COL5A2: variants seen among roughly 807,000 people sequenced by gnomAD.
The protein encoded by COL5A2 is collagen alpha-2(V) chain.
Under a neutral mutation model 208.2 loss-of-function variants are expected in COL5A2, and 23 were observed. That is an observed-to-expected ratio of 0.11 (90% CI 0.08 to 0.16). COL5A2 has a LOEUF of 0.16. COL5A2 is among the 10% of genes least tolerant of loss of function. The probability of loss-of-function intolerance (pLI) is 1.00; values close to 1 mark genes in which losing one functional copy is unlikely to be tolerated. For synonymous variants in COL5A2, 625 were observed against 628.5 expected (o/e 0.99, Z 0.08); for missense variants, 1,590 against 1,956.4 (o/e 0.81, Z 3.53).
intron 31 of COL5A2, among the ~76,000 whole-genome samples, chr2:189,060,093 C>A (rs988584537): frequency 2.0e-5 from 3 of 152,078 alleles, no homozygotes; most frequent in Admixed American, 2.0e-4. Flanking sequence ...TCATTCATCT[C>A]TCAGATCTCA....
Position 189,052,667 on chromosome 2 carries a change from A to G in COL5A2, c.2715+82T>C, listed in dbSNP as rs1685815738. Reference sequence around the variant, plus strand: ...TAATTTGTTATTTCAGTCTCAGATGAAAATTATCTTTTACATGACCAGGAA... The same window carrying G: ...TAATTTGTTATTTCAGTCTCAGATGGAAATTATCTTTTACATGACCAGGAA... On this transcript the variant is annotated intron_variant, in intron 40 of 53. Coordinates refer to ENST00000374866, the MANE Select transcript of COL5A2 (RefSeq NM_000393.5). 3.7e-6 allele frequency: 5 copies of G among 1,341,938 alleles called. No homozygotes were observed. In the South Asian group the frequency reaches 5.9e-5, roughly 16 times the overall value. 83.1% of individuals were successfully genotyped at this position (1,341,938 alleles called of 1,614,324 possible).
At chr2:189,411,049 G>GT in the COL5A2 span, among the ~76,000 whole-genome samples, 1 of 151,946 alleles carries the variant, frequency 6.6e-6, no homozygotes, top group Admixed American at 6.6e-5. Flanking sequence ...CCGTATCAGT[G>GT]TTTTTTTATG....
intron 35 of COL5A2, among the ~76,000 whole-genome samples, chr2:189,055,175 G>A (rs1357845895): frequency 6.6e-6 from 1 of 152,102 alleles, no homozygotes; most frequent in Admixed American, 6.5e-5. Flanking sequence ...GAGCCATCGC[G>A]CCCAGCCAGT....
intron 1 of COL5A2, among the ~76,000 whole-genome samples, chr2:189,151,839 T>A (rs959962146): frequency 2.0e-5 from 3 of 152,186 alleles, no homozygotes; most frequent in Admixed American, 6.6e-5. Flanking sequence ...AGAAATTATA[T>A]ACAAGCTATA....
intron 1 of COL5A2, among the ~76,000 whole-genome samples, chr2:189,146,172 T>C (rs947016677): frequency 6.6e-5 from 10 of 152,062 alleles, no homozygotes; most frequent in Admixed American, 2.0e-4. Flanking sequence ...TTAGTAAGAA[T>C]TGTACTGCAA....
the COL5A2 span, among the ~76,000 whole-genome samples, chr2:189,351,687 TAAAC>T: frequency 3.0e-4 from 45 of 151,714 alleles, no homozygotes; most frequent in African/African-American, 1.1e-3. Flanking sequence ...AAAATAAAAA[TAAAC>T]AAAAAGTGAG....
the COL5A2 span, among the ~76,000 whole-genome samples, chr2:189,357,142 A>C: frequency 6.6e-6 from 1 of 152,176 alleles, no homozygotes; most frequent in Non-Finnish European, 1.5e-5. Context: ...GATGCCAGCC[A>C]GAGCTCTCCT....
At chr2:189,363,156 T>C in the COL5A2 span, among the ~76,000 whole-genome samples, 2 of 152,136 alleles carry the variant, frequency 1.3e-5, no homozygotes, top group African/African-American at 4.8e-5. Flanking sequence ...ATTAACTTTT[T>C]AAAAAAATTT....
chr2:189,054,148 T>C lies in COL5A2; in HGVS notation c.2445+11A>G. 1.2e-6 allele frequency: 2 copies of C among 1,613,120 alleles called. No homozygotes were observed. Among genetic ancestry groups the C allele is most frequent in the Non-Finnish European group, 1.7e-6 (2 of 1,179,062 alleles). On this transcript the variant is annotated intron_variant, in intron 36 of 53. Coordinates refer to ENST00000374866, the MANE Select transcript of COL5A2 (RefSeq NM_000393.5). ...AATTTTGAGTGTACAAATTAACAAC[T>C]TGTGACTTACCTTTTCTCCAGTAGG... is the stretch of plus-strand genomic sequence containing the variant.
chr2:189,085,679 C>A, intron 10 of COL5A2, 40 bp downstream of exon 10: 2 of 1,565,776 alleles, frequency 1.3e-6, no homozygotes, highest in South Asian at 2.2e-5. Flanking sequence ...TAATGGTGGA[C>A]CCAAATGTAA....
At position 189,041,650 on chromosome 2, in the gene COL5A2, G is replaced by A; in HGVS notation, c.3569C>T (p.Pro1190Leu). The change falls in exon 50 of 54, where the codon CCT becomes CTT. Residue 1190 changes from proline (P) to leucine (L), a missense_variant. Pro to Leu is a moderately conservative substitution (Grantham distance 98, BLOSUM62 -3). Coordinates refer to ENST00000374866, the MANE Select transcript of COL5A2 (RefSeq NM_000393.5). ...PVGPSGKEGN[P>L]GPLGPIGPPG... ...AGGTCCAATTGGCCCAAGTGGCCCA[G>A]GGTTTCCTTCTTTACCTGAAGGACC... The A allele has an allele frequency of 1.2e-6, 2 of 1,614,104 alleles. No homozygotes were observed. The highest frequency in any genetic ancestry group is 1.7e-6 in the Non-Finnish European group (2 of 1,179,964).
the COL5A2 span, among the ~76,000 whole-genome samples, chr2:189,329,833 C>G: frequency 6.6e-6 from 1 of 151,668 alleles, no homozygotes; most frequent in Non-Finnish European, 1.5e-5. Context: ...GTGATGTCCA[C>G]TTAGGTTGTA....
chr2:189,287,502 A>G, the COL5A2 span, among the ~76,000 whole-genome samples: 6 of 152,102 alleles, frequency 3.9e-5, no homozygotes, highest in South Asian at 8.3e-4. Context: ...ATATTTGATG[A>G]GCTCCCACTA....
At chr2:189,308,918 CTG>C in the COL5A2 span, among the ~76,000 whole-genome samples, 2 of 152,182 alleles carry the variant, frequency 1.3e-5, no homozygotes, top group Admixed American at 6.5e-5. Flanking sequence ...TGTCCTAGGA[CTG>C]TGTCACGGGC....
the COL5A2 span, among the ~76,000 whole-genome samples, chr2:189,342,508 T>TAC: frequency 6.7e-6 from 1 of 148,650 alleles, no homozygotes; most frequent in Admixed American, 6.8e-5. Flanking sequence ...TATGTATATA[T>TAC]ACATATATAT....
At chr2:189,059,882 G>A (rs1685990246) in intron 31 of COL5A2, among the ~76,000 whole-genome samples, 9 of 151,858 alleles carry the variant, frequency 5.9e-5, no homozygotes, top group Admixed American at 5.9e-4. Context: ...ACTGTGCCCA[G>A]CCTAAAAACT....
At chr2:189,039,896 GCAAACT>G (rs1685522561) in intron 50 of COL5A2, among the ~76,000 whole-genome samples, 3 of 152,044 alleles carry the variant, frequency 2.0e-5, no homozygotes, top group Non-Finnish European at 4.4e-5. Context: ...ATGTTCATTT[GCAAACT>G]ATTTTCGTCA....
chr2:189,289,299 C>A, the COL5A2 span, among the ~76,000 whole-genome samples: 2 of 151,914 alleles, frequency 1.3e-5, no homozygotes, highest in East Asian at 3.9e-4. Context: ...AAAGATTGTG[C>A]CACTGCACTC....
chr2:189,045,903 T>C lies in COL5A2; in HGVS notation c.3206A>G (p.Asp1069Gly). The C allele has an allele frequency of 6.2e-7, 1 of 1,613,536 alleles. No homozygotes were observed. Among genetic ancestry groups the C allele is most frequent in the East Asian group, 2.2e-5 (1 of 44,876 alleles). The part of the protein sequence containing the change: ...GRDGAVGERG[D>G]RGDPGPAGLP... ...ACCTGCAGGCCCAGGGTCTCCACGA[T>C]CACCCTAACAAGAATAACCATGATA... The change falls in exon 46 of 54, where the codon GAT becomes GGT. Residue 1069 changes from aspartate (D) to glycine (G), a missense_variant. Transcript: ENST00000374866.
Sources: allele counts gnomAD v4.1 joint callset (sites outside exome capture counted in the v4.1 genomes callset), GRCh38; gene constraint gnomAD v4.1.1; transcripts MANE v1.5; gene names NCBI Gene and HGNC (gene_info 2026-07-23, HGNC 2026-07-21).